EVC: variants seen among roughly 807,000 people sequenced by gnomAD.
EVC encodes evC complex member EVC.
A neutral mutation model predicts 118.9 loss-of-function variants in EVC; 116 were observed. That is an observed-to-expected ratio of 0.98 (90% CI 0.84 to 1.14). EVC has a LOEUF of 1.14. Among genes scored for constraint, EVC ranks in the 50% most tolerant of loss-of-function variants. The pLI, the probability that EVC is intolerant of heterozygous loss-of-function variation, is 0.00. For synonymous variants in EVC, 619 were observed against 534.7 expected, an observed-to-expected ratio of 1.16 and a Z score of -2.18; for missense variants, 1,401 against 1,246.4, an observed-to-expected ratio of 1.12 and a Z score of -1.87.
At chr4:5,748,076 C>T (rs1481782285) in intron 7 of EVC, 72 bp from the exon 8 acceptor site, 9 of 1,519,082 alleles carry the variant, frequency 5.9e-6, no homozygotes, top group African/African-American at 1.4e-5. Flanking sequence ...TTGTAATTCC[C>T]GAGCACGCAC....
intron 1 of EVC, among the ~76,000 whole-genome samples, chr4:5,715,562 ATTTC>A (rs1273609042): frequency 1.3e-5 from 2 of 152,068 alleles, no homozygotes; most frequent in African/African-American, 4.8e-5. Flanking sequence ...TTGTTAGGTA[ATTTC>A]ATTGCATGCC....
At chr4:5,728,832 G>T (rs1034238258) in intron 2 of EVC, among the ~76,000 whole-genome samples, 1 of 152,170 alleles carries the variant, frequency 6.6e-6, no homozygotes, top group Non-Finnish European at 1.5e-5. Flanking sequence ...TTGTTAATTA[G>T]TCTTAAGTTA....
chr4:5,798,772 A>G lies in EVC; in HGVS notation c.2284A>G (p.Lys762Glu). ...ARNAATKSRA[K>E]DRDDFKRTLM... ...GAATGCAGCCACCAAGAGCCGGGCC[A>G]AGGACAGGGATGACTTCAAGGTATG... Residue 762 changes from lysine to glutamate, a missense_variant, in exon 15 of 21, where the codon AAG becomes GAG. Physicochemically the swap from Lys to Glu is moderately conservative, Grantham distance 56. Coordinates refer to ENST00000264956, the MANE Select transcript of EVC (RefSeq NM_153717.3). This position sits in a 1 kb window ranked among gnomAD's most constrained non-coding sequence, Gnocchi z 4.1. 1 of 1,611,026 alleles carries G rather than the reference A, an allele frequency of 6.2e-7. No homozygotes were observed. Among genetic ancestry groups the G allele is most frequent in the East Asian group, 2.2e-5 (1 of 44,864 alleles).
intron 1 of EVC, among the ~76,000 whole-genome samples, chr4:5,718,515 A>G (rs1724361222): frequency 6.6e-6 from 1 of 152,098 alleles, no homozygotes; most frequent in Non-Finnish European, 1.5e-5. Flanking sequence ...AAGCACAGAA[A>G]TGCAAAAACT....
chr4:5,731,134 G>A lies in EVC; in HGVS notation c.385-291G>A, dbSNP rs1223269910. On this transcript the variant is annotated intron_variant, in intron 3 of 20. Coordinates refer to ENST00000264956, the MANE Select transcript of EVC (RefSeq NM_153717.3). The surrounding 1 kb of genome is among the most constrained non-coding windows in gnomAD (Gnocchi z 5.6). ...AGGTCAGAGTTGGCAGCTGGGAGGA[G>A]GGTGCGCTGGGTGTCCGGGGCACAG... Among the ~76,000 whole-genome samples the A allele has an allele frequency of 6.6e-6, 1 of 152,120 alleles. No individual in the cohort carries two copies. Among genetic ancestry groups the A allele is most frequent in the Middle Eastern group, 3.4e-3 (1 of 294 alleles).
At position 5,783,073 on chromosome 4, in the gene EVC, A is replaced by G. The variant is rs117225740; in HGVS notation, c.1564-479A>G. ...GCTCTAAGGTGACGGGTGCATCCCAAGGCTGTGCGTGTGTGCGTGTGTGTG... is the reference window on the plus strand; with the variant it reads ...GCTCTAAGGTGACGGGTGCATCCCAGGGCTGTGCGTGTGTGCGTGTGTGTG... On this transcript the variant is annotated intron_variant, in intron 11 of 20. Transcript: ENST00000264956. Among the ~76,000 whole-genome samples, 240 of 151,904 alleles carry G rather than the reference A, an allele frequency of 1.6e-3. 3 individuals are homozygous for G. In the East Asian group the frequency reaches 0.031, roughly 19 times the overall value.
At chr4:5,821,873 T>C in the EVC span, 3 of 1,541,372 alleles carry the variant, frequency 1.9e-6, no homozygotes, top group Admixed American at 3.6e-5. This position sits in a 1 kb window ranked among gnomAD's most constrained non-coding sequence, Gnocchi z 4.4. Context: ...CGCCAATCGC[T>C]GCTGGATGGG....
At chr4:5,753,202 T>C (rs1347616341) in intron 9 of EVC, 150 bp downstream of exon 9, 14 of 769,454 alleles carry the variant, frequency 1.8e-5, no homozygotes, top group Non-Finnish European at 3.0e-5. Flanking sequence ...ACTGGGTCAC[T>C]GGGCTGCTCT....
chr4:5,802,172 AGATACTGT>A, intron 16 of EVC, 78 bp downstream of exon 16: 1 of 1,538,430 alleles, frequency 6.5e-7, no homozygotes, highest in Non-Finnish European at 9.0e-7. Context: ...ATAGGATGTC[AGATACTGT>A]GAATTTTATT....
intron 11 of EVC, among the ~76,000 whole-genome samples, chr4:5,759,420 G>A (rs1328070212): frequency 6.6e-6 from 1 of 152,102 alleles, no homozygotes; most frequent in Non-Finnish European, 1.5e-5. Flanking sequence ...CCAGGCTCTG[G>A]AGCCAGACAT....
At chr4:5,793,525 G>C (rs978561868) in intron 12 of EVC, 83 bp from the exon 13 acceptor site, 2 of 1,205,872 alleles carry the variant, frequency 1.7e-6, no homozygotes, top group Non-Finnish European at 1.2e-6. Flanking sequence ...ACACAAACAA[G>C]AAACAAAATG....
At chr4:5,771,903 T>C (rs573543519) in intron 11 of EVC, among the ~76,000 whole-genome samples, 1 of 151,726 alleles carries the variant, frequency 6.6e-6, no homozygotes, top group Non-Finnish European at 1.5e-5. Flanking sequence ...TATTTTATTA[T>C]TATTATTATT....
intron 12 of EVC, among the ~76,000 whole-genome samples, chr4:5,793,114 G>C (rs904660543): frequency 6.6e-6 from 1 of 152,128 alleles, no homozygotes; most frequent in African/African-American, 2.4e-5. Context: ...GGATAAGGCA[G>C]GACCTACCCT....
chr4:5,805,882 G>GTT (rs371177809), intron 17 of EVC, among the ~76,000 whole-genome samples: 1 of 115,326 alleles, frequency 8.7e-6, no homozygotes, highest in African/African-American at 3.0e-5. Context: ...TTCAGAGGCA[G>GTT]TTTCTTTTCT....
intron 11 of EVC, among the ~76,000 whole-genome samples, chr4:5,761,690 A>G (rs1322611136): frequency 6.6e-6 from 1 of 151,902 alleles, no homozygotes; most frequent in Non-Finnish European, 1.5e-5. Context: ...AGCCGTCAAC[A>G]TGATCAGCAT....
rs1034712221 is a variant in EVC at position 5,746,872 on chromosome 4, G to A, written c.940-1276G>A. Among the ~76,000 whole-genome samples the A allele has an allele frequency of 1.6e-4, 24 of 152,146 alleles. No individual in the cohort carries two copies. Among genetic ancestry groups the A allele is most frequent in the Non-Finnish European group, 3.1e-4 (21 of 68,028 alleles). ...GGACAAGAAAGCAGAGGAGGAATTG[G>A]ATGGGCTTTGCAGAAGCAGGAGAAA... On this transcript the variant is annotated intron_variant, in intron 7 of 20. Coordinates refer to ENST00000264956, the MANE Select transcript of EVC (RefSeq NM_153717.3). The surrounding 1 kb of genome is among the most constrained non-coding windows in gnomAD (Gnocchi z 5.8).
rs1300178432 is a variant in EVC, at chr4:5,756,257, CTCACAGGCTTT to C, written c.1465-3_1472del. On this transcript the variant is annotated splice_acceptor_variant and splice_polypyrimidine_tract_variant and coding_sequence_variant and intron_variant, in exon 11 of 21. Coordinates refer to ENST00000264956, the MANE Select transcript of EVC (RefSeq NM_153717.3). LOFTEE classifies it high-confidence loss of function. The surrounding 1 kb of genome is among the most constrained non-coding windows in gnomAD (Gnocchi z 4.2). Reference sequence around the variant, plus strand: ...TCTACCAGACTCAGCTCTTGTTTTCCTCACAGGCTTTTCATGAGGTCCTGGAGAGGCAGAGG... The same window carrying C: ...TCTACCAGACTCAGCTCTTGTTTTCCTCATGAGGTCCTGGAGAGGCAGAGG... 6.2e-7 allele frequency: 1 copy of C among 1,608,250 alleles called. No homozygotes were observed. The highest frequency in any genetic ancestry group is 1.3e-5 in the African/African-American group (1 of 74,806).
intron 11 of EVC, among the ~76,000 whole-genome samples, chr4:5,780,205 C>T (rs531783381): frequency 1.3e-5 from 2 of 152,280 alleles, no homozygotes; most frequent in Admixed American, 1.3e-4. Flanking sequence ...CCGAATCCAG[C>T]AGCACATCAA....
intron 1 of EVC, among the ~76,000 whole-genome samples, chr4:5,716,312 C>T (rs938443932): frequency 4.6e-5 from 7 of 152,148 alleles, no homozygotes; most frequent in African/African-American, 1.7e-4. Flanking sequence ...CTGGTTTTGG[C>T]CTAAAAGGGC....
Sources: allele counts gnomAD v4.1 joint callset (sites outside exome capture counted in the v4.1 genomes callset), GRCh38; gene constraint gnomAD v4.1.1; non-coding constraint Gnocchi (gnomAD v3.1); transcripts MANE v1.5; gene names NCBI Gene and HGNC (gene_info 2026-07-23, HGNC 2026-07-21).